Variants in PIK3C3 observed in about 807,000 individuals in gnomAD.
PIK3C3 encodes the protein PI3-kinase type 3.
In PIK3C3, 95 loss-of-function variants were observed where a neutral mutation model predicts 126.1. That is an observed-to-expected ratio of 0.75 (90% CI 0.64 to 0.89). PIK3C3 has a LOEUF of 0.89. Among genes scored for constraint, PIK3C3 ranks in the 40% least tolerant of loss-of-function variants. The pLI is 0.00. For synonymous variants in PIK3C3, 374 were observed against 360.0 expected, an observed-to-expected ratio of 1.04 and a Z score of -0.44; for missense variants, 829 against 1,063.2, an observed-to-expected ratio of 0.78 and a Z score of 3.06.
chr18:41,995,829 T>A (rs953536106), intron 7 of PIK3C3, 61 bp from the exon 8 acceptor site: 2 of 1,153,918 alleles, frequency 1.7e-6, no homozygotes, highest in African/African-American at 3.1e-5. Context: ...TATTTATGAA[T>A]AGCTTTTGAA....
At chr18:42,015,404 C>T in intron 11 of PIK3C3, 72 bp from the exon 12 acceptor site, 2 of 1,096,302 alleles carry the variant, frequency 1.8e-6, no homozygotes, top group Admixed American at 1.7e-5. Context: ...TGAACTGTTC[C>T]ATAAAAAATT....
intron 4 of PIK3C3, among the ~76,000 whole-genome samples, chr18:41,986,341 G>A (rs557979164): frequency 7.6e-4 from 116 of 152,190 alleles, no homozygotes; most frequent in Non-Finnish European, 1.4e-3. Flanking sequence ...AGCAAAGGAT[G>A]TAAAATGACC....
chr18:41,972,115 A>G (rs957814780), intron 4 of PIK3C3, among the ~76,000 whole-genome samples: 6 of 152,074 alleles, frequency 3.9e-5, no homozygotes, highest in African/African-American at 1.4e-4. Context: ...CGTTAATAGT[A>G]TATCTTTTTC....
chr18:41,960,878 A>T (rs1255869881), intron 2 of PIK3C3, among the ~76,000 whole-genome samples: 1 of 151,868 alleles, frequency 6.6e-6, no homozygotes, highest in Non-Finnish European at 1.5e-5. Flanking sequence ...AGTAGCTGGG[A>T]CTACAGGCGC....
chr18:42,072,166 TAA>T (rs1985802062), intron 24 of PIK3C3, among the ~76,000 whole-genome samples: 1 of 152,210 alleles, frequency 6.6e-6, no homozygotes. Flanking sequence ...TCATCTATTA[TAA>T]TGATGCAATA....
chr18:42,054,000 C>G (rs1254301979), intron 21 of PIK3C3, among the ~76,000 whole-genome samples: 1 of 150,750 alleles, frequency 6.6e-6, no homozygotes, highest in African/African-American at 2.4e-5. Context: ...GAGTAATACA[C>G]TTTGAAACTT....
At position 42,037,838 on chromosome 18, in the gene PIK3C3, T is replaced by C. The variant is rs1984124593; in HGVS notation, c.1968+18T>C. On this transcript the variant is annotated intron_variant, in intron 17 of 24. Coordinates refer to ENST00000262039, the MANE Select transcript of PIK3C3 (RefSeq NM_002647.4). ...TGGACAAGGTGAACATGACCTTATGTTGGTGGGGAACATTTTTTTCGTTTT... is the reference window on the plus strand; with the variant it reads ...TGGACAAGGTGAACATGACCTTATGCTGGTGGGGAACATTTTTTTCGTTTT... The C allele has an allele frequency of 2.5e-6, 4 of 1,592,456 alleles. No homozygotes were observed. Among genetic ancestry groups the C allele is most frequent in the Middle Eastern group, 3.4e-4 (2 of 5,946 alleles).
chr18:41,968,127 A>G (rs1368623422), intron 3 of PIK3C3, among the ~76,000 whole-genome samples: 1 of 152,160 alleles, frequency 6.6e-6, no homozygotes, highest in Non-Finnish European at 1.5e-5. Context: ...CTCTAGATCC[A>G]TCCCAAGGCA....
At chr18:41,997,240 G>A (rs145108164) in intron 9 of PIK3C3, among the ~76,000 whole-genome samples, 5 of 152,242 alleles carry the variant, frequency 3.3e-5, no homozygotes, top group African/African-American at 1.2e-4. Context: ...TGGCTGGAGA[G>A]AGAGTATGAG....
chr18:41,970,662 G>T (rs1012640851), intron 4 of PIK3C3: 23 of 616,816 alleles, frequency 3.7e-5, no homozygotes, highest in Admixed American at 3.1e-4. Context: ...TTACAGACTT[G>T]TATAATCATC....
intron 4 of PIK3C3, among the ~76,000 whole-genome samples, chr18:41,973,094 C>A (rs927264622): frequency 1.3e-5 from 2 of 151,990 alleles, no homozygotes; most frequent in African/African-American, 4.8e-5. Context: ...TCTAAAAGTA[C>A]TGATATAGGA....
At chr18:42,024,554 G>A (rs1394520079) in intron 13 of PIK3C3, among the ~76,000 whole-genome samples, 1 of 151,718 alleles carries the variant, frequency 6.6e-6, no homozygotes, top group Non-Finnish European at 1.5e-5. Context: ...TCCTGCCTCA[G>A]CCTCCCACAT....
At chr18:41,995,840 A>G in intron 7 of PIK3C3, 50 bp from the exon 8 acceptor site, 1 of 1,298,302 alleles carries the variant, frequency 7.7e-7, no homozygotes, top group Non-Finnish European at 1.1e-6. Context: ...AGCTTTTGAA[A>G]TTTCCTTTTG....
rs948880575 is a variant in PIK3C3, at chr18:42,083,121, G to T, written c.*1984G>T. 1 of 152,202 alleles carries T rather than the reference G, an allele frequency of 6.6e-6. No homozygotes were observed. Among genetic ancestry groups the T allele is most frequent in the Non-Finnish European group, 1.5e-5 (1 of 68,034 alleles). 9.4% of individuals were successfully genotyped at this position (152,202 alleles called of 1,614,324 possible). A position where few individuals can be genotyped will look rare whatever the true frequency, so the allele number is the denominator to read the frequency against. ...TTTTGCTGAGAGATTTTGGCTGTGAGTGACAAGCCTATATCAAAAAGAAAA... is the reference window on the plus strand; with the variant it reads ...TTTTGCTGAGAGATTTTGGCTGTGATTGACAAGCCTATATCAAAAAGAAAA... On this transcript the variant is annotated 3_prime_UTR_variant, in exon 25 of 25. Coordinates refer to ENST00000262039, the MANE Select transcript of PIK3C3 (RefSeq NM_002647.4).
At chr18:42,015,295 A>G (rs531686557) in intron 11 of PIK3C3, among the ~76,000 whole-genome samples, 181 bp from the exon 12 acceptor site, 58 of 152,182 alleles carry the variant, frequency 3.8e-4, no homozygotes, top group Non-Finnish European at 6.8e-4. Flanking sequence ...GGCATTACCC[A>G]TAATCTTTGA....
At chr18:41,970,489 T>G in intron 4 of PIK3C3, 33 bp downstream of exon 4, 2 of 1,600,118 alleles carry the variant, frequency 1.2e-6, no homozygotes. Flanking sequence ...GGTGCAAAGC[T>G]CTGACTGATG....
rs749282868 is a variant in PIK3C3 at position 42,015,555 on chromosome 18, G to A, written c.1405G>A (p.Glu469Lys). Residue 469 changes from glutamate to lysine, a missense_variant, in exon 12 of 25, where the codon GAA (glutamate) becomes AAA (lysine). By Grantham distance (56) the Glu-to-Lys change is moderately conservative. Transcript: ENST00000262039. ...ASKTKEVPDG[E>K]NLEQDLCTFL... The stretch of plus-strand genomic sequence containing the variant: ...AAAAACAAAAGAAGTTCCAGATGGC[G>A]AAAATCTGGAAGTGAGTACAAAGCT... The A allele has an allele frequency of 2.5e-6, 4 of 1,611,904 alleles. No individual in the cohort carries two copies. The highest frequency in any genetic ancestry group is 3.4e-6 in the Non-Finnish European group (4 of 1,178,346).
chr18:42,033,180 T>G (rs994260818), intron 15 of PIK3C3, among the ~76,000 whole-genome samples: 2 of 152,188 alleles, frequency 1.3e-5, no homozygotes. Flanking sequence ...AAGGGGTTCT[T>G]CTAAATAGTA....
rs145518328 is a variant in PIK3C3 at position 42,058,775 on chromosome 18, T to C, written c.2432+724T>C. 5.5e-3 allele frequency among the ~76,000 whole-genome samples: 832 copies of C among 152,348 alleles called. 13 individuals are homozygous for C. Among genetic ancestry groups the C allele is most frequent in the African/African-American group, 0.019 (791 of 41,586 alleles). On this transcript the variant is annotated intron_variant, in intron 22 of 24. Coordinates refer to ENST00000262039, the MANE Select transcript of PIK3C3 (RefSeq NM_002647.4). ...AAATAAAAGTCATGTTTGGTAAATT[T>C]AGGACATGGCTCTGATGATTATTAG... is the stretch of plus-strand genomic sequence containing the variant.
Sources: gnomAD v4.1 joint callset for allele counts (sites outside exome capture counted in the v4.1 genomes callset) on GRCh38, gnomAD v4.1.1 for gene constraint, MANE v1.5 for transcripts, NCBI Gene and HGNC (gene_info 2026-07-23, HGNC 2026-07-21) for gene names.